ZNF503: variants seen among roughly 807,000 people sequenced by gnomAD.
The protein encoded by ZNF503 is zinc finger protein 503, also known as NocA-like zinc finger 2.
Under a neutral mutation model 34.4 loss-of-function variants are expected in ZNF503, and 15 were observed. The ratio of observed to expected loss-of-function variants is 0.44; its 90% CI spans 0.29 to 0.67. The LOEUF is 0.67. Among genes scored for constraint, ZNF503 ranks in the 30% least tolerant of loss-of-function variants. ZNF503 has a pLI of 0.13. For missense variants in ZNF503, 1,007 were observed against 926.8 expected (o/e 1.09, Z -1.12); for synonymous variants, 580 against 456.8 (o/e 1.27, Z -3.44).
chr10:75,399,943 CG>C lies in ZNF503; in HGVS notation c.746del (p.Pro249ArgfsTer46). The C allele has an allele frequency of 6.2e-7, 1 of 1,606,428 alleles. No homozygotes were observed. ...GGMLSSAGGAPEGKDDKKDTD... is the reference protein window; with the variant it reads ...GGMLSSAGGAXEGKDDKKDTD... ...TGTCTTTCTTGTCGTCCTTGCCCTC[CG>C]GGGCACCCCCGGCCGAGGACAGCAT... On this transcript the variant is annotated frameshift_variant, in exon 2 of 2. Coordinates refer to ENST00000372524, the MANE Select transcript of ZNF503 (RefSeq NM_032772.6). LOFTEE classifies it high-confidence loss of function.
chr10:75,387,889 C>G, the ZNF503 span, among the ~76,000 whole-genome samples: 1 of 152,158 alleles, frequency 6.6e-6, no homozygotes, highest in African/African-American at 2.4e-5. Flanking sequence ...TTCCAGGCAG[C>G]CGAGGGCTCT....
At chr10:75,318,962 T>C in the ZNF503 span, among the ~76,000 whole-genome samples, 25,032 of 151,022 alleles carry the variant, frequency 0.17, 2,487 homozygotes, top group Non-Finnish European at 0.22. Flanking sequence ...CTCTCTCTCT[T>C]TCTTATTTCT....
the ZNF503 span, among the ~76,000 whole-genome samples, chr10:75,292,874 T>C: frequency 0.43 from 65,809 of 152,026 alleles, 14,945 homozygotes; most frequent in South Asian, 0.57. Flanking sequence ...TTCTGTTTCC[T>C]TGTGAACATT....
chr10:75,398,732 C>G lies in ZNF503; in HGVS notation c.*17G>C. ...CCCCCTCTCCCTCCTCTCCCTCGCTCGCCCTCCCGGCCGCCCTCACTGATA... is the reference window on the plus strand; with the variant it reads ...CCCCCTCTCCCTCCTCTCCCTCGCTGGCCCTCCCGGCCGCCCTCACTGATA... On this transcript the variant is annotated 3_prime_UTR_variant, in exon 2 of 2. Transcript: ENST00000372524. 7.3e-7 allele frequency: 1 copy of G among 1,364,394 alleles called. No homozygotes were observed. The highest frequency in any genetic ancestry group is 2.0e-5 in the South Asian group (1 of 50,370). The allele number at this position is 1,364,394 out of a possible 1,614,324, so 84.5% of individuals were successfully genotyped here. A position where few individuals can be genotyped will look rare whatever the true frequency, so the allele number is the denominator to read the frequency against.
the ZNF503 span, among the ~76,000 whole-genome samples, chr10:75,339,630 G>A: frequency 3.4e-3 from 513 of 152,052 alleles, 8 homozygotes; most frequent in East Asian, 0.041. Context: ...GCCAACACAC[G>A]GGTGGGTGTC....
In ZNF503 at chr10:75,399,587, G is replaced by A. The variant is rs1347072425; in HGVS notation, c.1103C>T (p.Ala368Val). The A allele has an allele frequency of 1.3e-6, 2 of 1,597,094 alleles. No homozygotes were observed. Among genetic ancestry groups the A allele is most frequent in the African/African-American group, 1.3e-5 (1 of 74,906 alleles). Residue 368 changes from alanine to valine, a missense_variant, in exon 2 of 2, where the codon GCC (alanine) becomes GTC (valine). By Grantham distance (64) the Ala-to-Val change is moderately conservative (BLOSUM62 0). Transcript: ENST00000372524. ...TYPGSLAGAYAGYPPQFLPHG... is the reference protein window; with the variant it reads ...TYPGSLAGAYVGYPPQFLPHG... ...TGGCAGGAACTGGGGCGGGTAGCCG[G>A]CGTAGGCCCCGGCCAGGCTGCCTGG...
chr10:75,321,898 TAAGGAG>T, the ZNF503 span, among the ~76,000 whole-genome samples: 1 of 152,222 alleles, frequency 6.6e-6, no homozygotes, highest in Non-Finnish European at 1.5e-5. Flanking sequence ...GAGAGGAATT[TAAGGAG>T]GCTACAGAAA....
chr10:75,396,047 G>A (rs777561711), downstream of ZNF503, among the ~76,000 whole-genome samples: 1 of 152,150 alleles, frequency 6.6e-6, no homozygotes, highest in Non-Finnish European at 1.5e-5. This position sits in a 1 kb window ranked among gnomAD's most constrained non-coding sequence, Gnocchi z 4.4. Context: ...CTGCTGGTGA[G>A]AGAGTGGTAG....
the ZNF503 span, among the ~76,000 whole-genome samples, chr10:75,289,514 C>T: frequency 2.0e-5 from 3 of 152,128 alleles, no homozygotes; most frequent in African/African-American, 4.8e-5. Flanking sequence ...CTTCTGGAAA[C>T]GTCTTCATTC....
the ZNF503 span, among the ~76,000 whole-genome samples, chr10:75,307,747 A>G: frequency 3.9e-5 from 6 of 152,172 alleles, no homozygotes; most frequent in African/African-American, 1.4e-4. Flanking sequence ...ATTGAAGCCA[A>G]TATTCATTTA....
chr10:75,351,566 G>A, the ZNF503 span, among the ~76,000 whole-genome samples: 2 of 152,154 alleles, frequency 1.3e-5, no homozygotes, highest in Non-Finnish European at 2.9e-5. Flanking sequence ...GGAAGATACA[G>A]ATGGGGTTCA....
the ZNF503 span, among the ~76,000 whole-genome samples, chr10:75,333,462 AC>A: frequency 2.3e-3 from 91 of 39,168 alleles, 2 homozygotes; most frequent in African/African-American, 0.011. Context: ...CGGGGGGCTG[AC>A]CCCCCCACCT....
At chr10:75,299,503 A>G in the ZNF503 span, among the ~76,000 whole-genome samples, 2 of 152,124 alleles carry the variant, frequency 1.3e-5, no homozygotes, top group Non-Finnish European at 2.9e-5. Flanking sequence ...TGTTCAGTGC[A>G]TATATATTTA....
At chr10:75,318,140 A>G in the ZNF503 span, among the ~76,000 whole-genome samples, 1 of 152,222 alleles carries the variant, frequency 6.6e-6, no homozygotes, top group Non-Finnish European at 1.5e-5. Flanking sequence ...GATTGTGGTA[A>G]TAATTTCACA....
At chr10:75,356,737 G>A in the ZNF503 span, among the ~76,000 whole-genome samples, 1 of 152,096 alleles carries the variant, frequency 6.6e-6, no homozygotes, top group Non-Finnish European at 1.5e-5. Flanking sequence ...TTCTCCCATT[G>A]AGGCCCTGAC....
Position 75,399,217 on chromosome 10 carries a change from T to G in ZNF503, c.1473A>C (p.Thr491=). 1 of 1,593,710 alleles carries G rather than the reference T, an allele frequency of 6.3e-7. No individual in the cohort carries two copies. The highest frequency in any genetic ancestry group is 8.6e-7 in the Non-Finnish European group (1 of 1,168,850). The change falls in exon 2 of 2, where the codon ACA becomes ACC. Residue 491 remains threonine, a synonymous_variant. Transcript: ENST00000372524. ...GGGGGTGGCCGGCCAGGGAGGGCGG[T>G]GTGGCGCCAGCAGCCGCGGCGGCCG... ...SLTAAAAAGA[T]PPSLAGHPLY... is the part of the protein sequence containing the mutation.
the ZNF503 span, among the ~76,000 whole-genome samples, chr10:75,376,741 G>A: frequency 1.3e-5 from 2 of 152,178 alleles, no homozygotes; most frequent in Non-Finnish European, 1.5e-5. Flanking sequence ...GAGGCCTCAG[G>A]AATCTTACAA....
Position 75,399,733 on chromosome 10 carries a change from G to A in ZNF503, c.957C>T (p.Ser319=). Residue 319 remains serine (S), a synonymous_variant, in exon 2 of 2, where the codon TCC becomes TCT. Transcript: ENST00000372524. The part of the protein sequence containing the change: ...SDCGGSSGSS[S]GSGPSAPTSS... ...AGGTGGGCGCGCTGGGGCCGGAGCC[G>A]GAGCTGGAGCCCGATGAACCGCCGC... 1.3e-6 allele frequency: 2 copies of A among 1,594,776 alleles called. No homozygotes were observed. Among genetic ancestry groups the A allele is most frequent in the South Asian group, 1.1e-5 (1 of 89,970 alleles).
At position 75,398,880 on chromosome 10, in the gene ZNF503, G is replaced by T; in HGVS notation, c.1810C>A (p.Pro604Thr). 1.3e-6 allele frequency: 2 copies of T among 1,535,470 alleles called. No individual in the cohort carries two copies. Among genetic ancestry groups the T allele is most frequent in the Non-Finnish European group, 1.7e-6 (2 of 1,144,498 alleles). The change falls in exon 2 of 2, where the codon CCC becomes ACC. Residue 604 changes from proline (P) to threonine (T), a missense_variant. Pro to Thr is a conservative substitution (Grantham distance 38). Transcript: ENST00000372524. ...HALGLSSRYH[P>T]YSKSPLPTPG... ...GTGGGAAGCGGGCTCTTGGAGTAGG[G>T]GTGGTAGCGGCTGCTGAGTCCCAGC...
Sources: allele counts gnomAD v4.1 joint callset (sites outside exome capture counted in the v4.1 genomes callset), GRCh38; gene constraint gnomAD v4.1.1; non-coding constraint Gnocchi (gnomAD v3.1); transcripts MANE v1.5; gene names NCBI Gene and HGNC (gene_info 2026-07-23, HGNC 2026-07-21).